Variants in SGCZ observed in about 807,000 individuals in gnomAD.
The protein encoded by SGCZ is zeta-sarcoglycan.
SGCZ carries 40 observed loss-of-function variants against 41.3 expected under a neutral mutation model. That is an observed-to-expected ratio of 0.97 (90% CI 0.75 to 1.26). The LOEUF (loss-of-function observed/expected upper bound fraction) is 1.26. SGCZ is among the 50% of genes most tolerant of loss of function. The pLI is 0.00. For synonymous variants in SGCZ, 206 were observed against 137.5 expected (o/e 1.50, Z -3.49); for missense variants, 552 against 369.8 (o/e 1.49, Z -4.04).
At chr8:14,608,854 G>A (rs972074855) in intron 1 of SGCZ, among the ~76,000 whole-genome samples, 10 of 151,638 alleles carry the variant, frequency 6.6e-5, no homozygotes, top group Admixed American at 6.6e-5. Context: ...GAAAAAAAAT[G>A]ACAAAAAAAA....
intron 1 of SGCZ, among the ~76,000 whole-genome samples, chr8:15,180,450 T>C (rs1213506242): frequency 6.6e-6 from 1 of 152,186 alleles, no homozygotes; most frequent in Non-Finnish European, 1.5e-5. Context: ...GAAGACTTAG[T>C]CTGGAAATTA....
At chr8:14,637,568 A>G (rs1036180092) in intron 1 of SGCZ, among the ~76,000 whole-genome samples, 2 of 143,492 alleles carry the variant, frequency 1.4e-5, no homozygotes, top group Admixed American at 6.8e-5. Context: ...GAGAACATGC[A>G]GTATTTGTTT....
intron 3 of SGCZ, among the ~76,000 whole-genome samples, chr8:14,289,053 T>G (rs1414211357): frequency 6.6e-6 from 1 of 152,202 alleles, no homozygotes; most frequent in Non-Finnish European, 1.5e-5. Context: ...TGTATGTACT[T>G]GATATCTATT....
intron 1 of SGCZ, among the ~76,000 whole-genome samples, chr8:14,885,735 T>C (rs1804762144): frequency 6.6e-6 from 1 of 151,946 alleles, no homozygotes; most frequent in African/African-American, 2.4e-5. Context: ...CAAGCAAATG[T>C]CAGGGTTATT....
chr8:14,271,534 G>A (rs1800058523), intron 3 of SGCZ, among the ~76,000 whole-genome samples: 1 of 152,130 alleles, frequency 6.6e-6, no homozygotes, highest in Non-Finnish European at 1.5e-5. Context: ...GGTGGGTTCT[G>A]GAATTACAAT....
At chr8:15,203,067 G>A (rs1044436503) in intron 1 of SGCZ, among the ~76,000 whole-genome samples, 4 of 151,928 alleles carry the variant, frequency 2.6e-5, no homozygotes, top group African/African-American at 9.7e-5. Context: ...TTGAGACCAT[G>A]TCATGGCACT....
intron 1 of SGCZ, among the ~76,000 whole-genome samples, chr8:14,791,467 A>G (rs1800950341): frequency 6.6e-6 from 1 of 152,090 alleles, no homozygotes; most frequent in South Asian, 2.1e-4. Flanking sequence ...AAGAAAAAAA[A>G]AAAATCCTAT....
intron 4 of SGCZ, among the ~76,000 whole-genome samples, chr8:14,216,955 G>T (rs1299909887): frequency 1.3e-5 from 2 of 152,114 alleles, no homozygotes; most frequent in Non-Finnish European, 2.9e-5. Context: ...CTGACGTATT[G>T]GTAGTGACCC....
At chr8:14,657,253 C>T (rs1037470440) in intron 1 of SGCZ, among the ~76,000 whole-genome samples, 1 of 151,946 alleles carries the variant, frequency 6.6e-6, no homozygotes, top group Non-Finnish European at 1.5e-5. Flanking sequence ...CTCCCGGGTT[C>T]CCTCATGAAC....
At chr8:14,630,846 G>A (rs988884849) in intron 1 of SGCZ, among the ~76,000 whole-genome samples, 2 of 136,346 alleles carry the variant, frequency 1.5e-5, no homozygotes, top group Non-Finnish European at 3.1e-5. Flanking sequence ...ACAGGATGGG[G>A]AACATCAGAC....
intron 1 of SGCZ, among the ~76,000 whole-genome samples, chr8:15,038,814 C>CAAAAAA (rs58922339): frequency 5.4e-5 from 5 of 93,084 alleles, no homozygotes; most frequent in East Asian, 3.0e-4. Flanking sequence ...TGACATTTCT[C>CAAAAAA]AAAAAAAAAA....
chr8:14,444,553 A>G (rs1028581470), intron 2 of SGCZ, among the ~76,000 whole-genome samples: 4 of 151,924 alleles, frequency 2.6e-5, no homozygotes, highest in African/African-American at 7.3e-5. Flanking sequence ...TCAGTAAACT[A>G]TCGTAAGAAC....
chr8:15,217,137 G>A (rs1158994455), intron 1 of SGCZ, among the ~76,000 whole-genome samples: 1 of 152,136 alleles, frequency 6.6e-6, no homozygotes, highest in African/African-American at 2.4e-5. Context: ...AATTGAACTG[G>A]CCGGGCGCGG....
chr8:14,924,333 C>T (rs1799680045), intron 1 of SGCZ, among the ~76,000 whole-genome samples: 1 of 152,118 alleles, frequency 6.6e-6, no homozygotes. Context: ...ACTTTGTAGA[C>T]CTGCTGTAAA....
At chr8:14,890,728 G>A (rs79601065) in intron 1 of SGCZ, among the ~76,000 whole-genome samples, 2,468 of 152,324 alleles carry the variant, frequency 0.016, 87 homozygotes, top group East Asian at 0.15. Context: ...ATTGGTAGAA[G>A]ATGCCATTTA....
At chr8:14,094,570 A>T (rs6994825) in intron 7 of SGCZ, among the ~76,000 whole-genome samples, 71,284 of 151,922 alleles carry the variant, frequency 0.47, 17,902 homozygotes, top group Non-Finnish European at 0.58. Flanking sequence ...AGTCCCTGCT[A>T]TTGTGAACAG....
intron 1 of SGCZ, among the ~76,000 whole-genome samples, chr8:15,161,231 C>A (rs76267920): frequency 0.043 from 6,472 of 152,064 alleles, 334 homozygotes; most frequent in African/African-American, 0.12. Flanking sequence ...GGACTTTAAA[C>A]GCTCTCCCCC....
chr8:15,188,397 C>G (rs1189282247), intron 1 of SGCZ, among the ~76,000 whole-genome samples: 5 of 152,100 alleles, frequency 3.3e-5, no homozygotes, highest in East Asian at 3.8e-4. Flanking sequence ...ATCTATAGAT[C>G]TACATTAGCT....
At chr8:14,286,022 A>G (rs929144741) in intron 3 of SGCZ, among the ~76,000 whole-genome samples, 1 of 152,090 alleles carries the variant, frequency 6.6e-6, no homozygotes, top group African/African-American at 2.4e-5. Flanking sequence ...TATTACTAAT[A>G]GGAACTATTT....
Sources: gnomAD v4.1 joint callset for allele counts (sites outside exome capture counted in the v4.1 genomes callset) on GRCh38, gnomAD v4.1.1 for gene constraint, MANE v1.5 for transcripts, NCBI Gene and HGNC (gene_info 2026-07-23, HGNC 2026-07-21) for gene names.